The following BABAM2 variants were observed in gnomAD, a reference collection of about 807,000 sequenced individuals.
BABAM2 encodes BRISC and BRCA1-A complex member 2.
A neutral mutation model predicts 54.7 loss-of-function variants in BABAM2; 31 were observed. The observed-to-expected ratio is 0.57, with a 90% CI of 0.43 to 0.77. The LOEUF (loss-of-function observed/expected upper bound fraction) is 0.77. Among genes scored for constraint, BABAM2 ranks in the 30% least tolerant of loss-of-function variants. BABAM2 has a pLI of 0.00. For synonymous variants in BABAM2, 167 were observed against 162.9 expected (o/e 1.03, Z -0.19); for missense variants, 364 against 455.8 (o/e 0.80, Z 1.83).
chr2:28,112,197 C>CCCTCCCTCCCTT lies in BABAM2; in HGVS notation c.571-17071_571-17070insCCCTCCCTTCCT, dbSNP rs1558347424. ...TCCCTCCCTCCCTCCCTCCCTCCCT[C>CCCTCCCTCCCTT]CCTTCCTTCCTTCCTTCCTTCCTTC... On this transcript the variant is annotated intron_variant, in intron 6 of 11. Coordinates refer to ENST00000379624, the MANE Select transcript of BABAM2 (RefSeq NM_199191.3). 4.7e-4 allele frequency among the ~76,000 whole-genome samples: 12 copies of CCCTCCCTCCCTT among 25,488 alleles called. 1 individual carries two copies. The highest frequency in any genetic ancestry group is 2.3e-3 in the African/African-American group (12 of 5,230). The allele number at this position is 25,488 out of a possible 152,430, so 16.7% of individuals were successfully genotyped here. A position where few individuals can be genotyped will look rare whatever the true frequency, so the allele number is the denominator to read the frequency against.
At chr2:27,942,066 A>G (rs553418182) in intron 3 of BABAM2, among the ~76,000 whole-genome samples, 46 of 152,266 alleles carry the variant, frequency 3.0e-4, no homozygotes, top group South Asian at 1.9e-3. Context: ...GTTTTAACAC[A>G]GTGCTTCCCC....
intron 11 of BABAM2, chr2:28,310,355 G>T: frequency 1.9e-6 from 1 of 524,568 alleles, no homozygotes; most frequent in Non-Finnish European, 3.4e-6. Context: ...GGCTCCCCTG[G>T]GGGAGGGGCA....
At chr2:28,048,065 T>C (rs2148616041) in intron 6 of BABAM2, among the ~76,000 whole-genome samples, 1 of 152,364 alleles carries the variant, frequency 6.6e-6, no homozygotes, top group Middle Eastern at 3.4e-3. Flanking sequence ...ACTACAAAAA[T>C]AAACTTCCTG....
intron 6 of BABAM2, among the ~76,000 whole-genome samples, chr2:28,058,141 CA>C (rs577500237): frequency 1.2e-3 from 164 of 132,930 alleles, no homozygotes; most frequent in Admixed American, 1.6e-3. Flanking sequence ...GAGACTGTCT[CA>C]AAAAAAAAAA....
intron 7 of BABAM2, among the ~76,000 whole-genome samples, chr2:28,129,866 T>C (rs958434947): frequency 1.3e-5 from 2 of 152,260 alleles, no homozygotes; most frequent in African/African-American, 4.8e-5. Flanking sequence ...TTTATTTTGC[T>C]GCATCGAAAT....
intron 6 of BABAM2, among the ~76,000 whole-genome samples, chr2:28,126,596 A>G (rs1231701153): frequency 2.9e-5 from 4 of 139,124 alleles, no homozygotes; most frequent in Admixed American, 1.5e-4. Context: ...TAGTGCCGCA[A>G]TAAACATACG....
intron 7 of BABAM2, among the ~76,000 whole-genome samples, chr2:28,182,416 A>C (rs778862923): frequency 2.0e-5 from 3 of 152,212 alleles, no homozygotes; most frequent in Non-Finnish European, 4.4e-5. Flanking sequence ...CTGCTGAAAC[A>C]TATCACACAC....
chr2:28,101,848 T>A (rs1024960527), intron 6 of BABAM2, among the ~76,000 whole-genome samples: 1 of 152,072 alleles, frequency 6.6e-6, no homozygotes, highest in Admixed American at 6.5e-5. Flanking sequence ...TCAATCCCCT[T>A]GTAAGTTAAA....
chr2:28,008,763 G>C (rs976473427), intron 4 of BABAM2, among the ~76,000 whole-genome samples: 1 of 152,128 alleles, frequency 6.6e-6, no homozygotes, highest in Non-Finnish European at 1.5e-5. Flanking sequence ...GGATCTCACA[G>C]ACAGCCTGGA....
chr2:28,267,426 CACACACACACAT>C (rs1490054527), intron 10 of BABAM2, among the ~76,000 whole-genome samples: 59 of 146,454 alleles, frequency 4.0e-4, no homozygotes, highest in African/African-American at 1.6e-3. Context: ...ACTGACTAGA[CACACACACACAT>C]ACACACACAC....
At chr2:28,147,049 G>T (rs1671558145) in intron 7 of BABAM2, among the ~76,000 whole-genome samples, 2 of 152,148 alleles carry the variant, frequency 1.3e-5, no homozygotes, top group South Asian at 4.1e-4. Flanking sequence ...TGCACTTAAT[G>T]ACTTCCCTCT....
intron 10 of BABAM2, among the ~76,000 whole-genome samples, chr2:28,274,229 T>A (rs1310051401): frequency 6.6e-6 from 1 of 152,188 alleles, no homozygotes; most frequent in South Asian, 2.1e-4. Context: ...CTCCTTGACC[T>A]CCTCATCTTT....
At chr2:27,966,398 A>G (rs1043402435) in intron 3 of BABAM2, among the ~76,000 whole-genome samples, 23 of 152,160 alleles carry the variant, frequency 1.5e-4, no homozygotes, top group African/African-American at 5.3e-4. Flanking sequence ...ATTTGTTAAT[A>G]TATCATTAAC....
intron 5 of BABAM2, among the ~76,000 whole-genome samples, chr2:28,042,922 G>A (rs1328077713): frequency 3.9e-5 from 6 of 151,952 alleles, no homozygotes; most frequent in African/African-American, 1.4e-4. Flanking sequence ...TACTCGGGAG[G>A]CTGAGGCAGG....
intron 6 of BABAM2, among the ~76,000 whole-genome samples, chr2:28,127,279 A>G (rs1372141868): frequency 6.6e-6 from 1 of 152,234 alleles, no homozygotes; most frequent in African/African-American, 2.4e-5. Flanking sequence ...CATCAAGAAA[A>G]GAGAGTTTCG....
intron 3 of BABAM2, among the ~76,000 whole-genome samples, chr2:27,971,694 G>GT (rs994032875): frequency 0.013 from 1,905 of 143,844 alleles, 40 homozygotes; most frequent in African/African-American, 0.043. Context: ...TTTCCCATGT[G>GT]TTTTTTTTTT....
At chr2:28,327,553 A>C in intron 11 of BABAM2, 1 of 1,308,330 alleles carries the variant, frequency 7.6e-7, no homozygotes, top group Non-Finnish European at 1.0e-6. Context: ...GTCCTCCTAA[A>C]ACGGCATTTG....
chr2:28,273,960 T>C (rs1488233194), intron 10 of BABAM2, among the ~76,000 whole-genome samples: 1 of 152,230 alleles, frequency 6.6e-6, no homozygotes, highest in Non-Finnish European at 1.5e-5. Context: ...GAAGGCGTCA[T>C]GTGCTATAGA....
chr2:27,930,304 C>T, intron 3 of BABAM2: 1 of 177,386 alleles, frequency 5.6e-6, no homozygotes, highest in Non-Finnish European at 1.2e-5. Context: ...ACCGCTGCGC[C>T]ACGACTTGTC....
Sources: allele counts gnomAD v4.1 joint callset (sites outside exome capture counted in the v4.1 genomes callset), GRCh38; gene constraint gnomAD v4.1.1; transcripts MANE v1.5; gene names NCBI Gene and HGNC (gene_info 2026-07-23, HGNC 2026-07-21).